Variants in KCNIP4 observed in about 807,000 individuals in gnomAD.
KCNIP4 encodes the protein Kv channel-interacting protein 4.
A neutral mutation model predicts 34.0 loss-of-function variants in KCNIP4; 12 were observed. The observed-to-expected ratio is 0.35, with a 90% CI of 0.23 to 0.57. The LOEUF (loss-of-function observed/expected upper bound fraction) is 0.57. Among genes scored for constraint, KCNIP4 ranks in the 20% least tolerant of loss-of-function variants. KCNIP4 has a pLI of 0.83. For synonymous variants in KCNIP4, 124 were observed against 102.2 expected (o/e 1.21, Z -1.29); for missense variants, 238 against 311.7 (o/e 0.76, Z 1.78).
Position 21,288,815 on chromosome 4 carries a change from G to T in KCNIP4, c.62-406106C>A, listed in dbSNP as rs182579613. ...CACCTAATGTTATACATATGTATGA[G>T]AACATGTGGTATTTGCTTTTCTGTT... On this transcript the variant is annotated intron_variant, in intron 1 of 8. Transcript: ENST00000382152. Among the ~76,000 whole-genome samples, 503 of 152,270 alleles carry T rather than the reference G, an allele frequency of 3.3e-3. 5 individuals are homozygous for T. Among genetic ancestry groups the T allele is most frequent in the African/African-American group, 0.011 (471 of 41,554 alleles).
chr4:21,468,822 A>T (rs1320577138), intron 1 of KCNIP4, among the ~76,000 whole-genome samples: 1 of 152,112 alleles, frequency 6.6e-6, no homozygotes. Context: ...TTGCTAGCGC[A>T]CTTTTTTAAT....
chr4:21,295,228 T>C (rs950292262), intron 1 of KCNIP4, among the ~76,000 whole-genome samples: 8 of 152,082 alleles, frequency 5.3e-5, no homozygotes, highest in Admixed American at 2.6e-4. Context: ...ACACGAAAGA[T>C]TGGGCCACAG....
chr4:20,843,694 C>T (rs539318523), intron 3 of KCNIP4, among the ~76,000 whole-genome samples: 2 of 152,276 alleles, frequency 1.3e-5, no homozygotes, highest in South Asian at 4.1e-4. Flanking sequence ...CGCGCCACTG[C>T]ATTCCAGCCT....
At chr4:21,450,971 T>C (rs889412655) in intron 1 of KCNIP4, among the ~76,000 whole-genome samples, 1 of 152,152 alleles carries the variant, frequency 6.6e-6, no homozygotes, top group Non-Finnish European at 1.5e-5. Flanking sequence ...CATTAAACTT[T>C]AGATATTCTG....
At chr4:21,688,304 C>G (rs1750966823) in intron 1 of KCNIP4, among the ~76,000 whole-genome samples, 1 of 152,104 alleles carries the variant, frequency 6.6e-6, no homozygotes, top group Non-Finnish European at 1.5e-5. Flanking sequence ...CTTTGGATTT[C>G]AGATTTTCAA....
intron 1 of KCNIP4, among the ~76,000 whole-genome samples, chr4:21,670,258 C>G (rs1463959651): frequency 6.6e-6 from 1 of 152,004 alleles, no homozygotes; most frequent in Non-Finnish European, 1.5e-5. Flanking sequence ...ATGATGAGTT[C>G]ATGGCCTTTG....
At chr4:21,730,096 G>A (rs916185493) in intron 1 of KCNIP4, 2 of 152,038 alleles carry the variant, frequency 1.3e-5, no homozygotes, top group Admixed American at 1.3e-4. Context: ...CAGGTGGGAG[G>A]TAAATCTGGT....
intron 1 of KCNIP4, among the ~76,000 whole-genome samples, chr4:21,643,261 T>G (rs1746747249): frequency 6.6e-6 from 1 of 152,204 alleles, no homozygotes; most frequent in African/African-American, 2.4e-5. Flanking sequence ...TAATGTTAAC[T>G]TTACATCATA....
intron 1 of KCNIP4, among the ~76,000 whole-genome samples, chr4:21,911,003 C>T (rs1728275976): frequency 6.6e-6 from 1 of 152,014 alleles, no homozygotes; most frequent in Admixed American, 6.6e-5. Flanking sequence ...GGAAAGCAAC[C>T]TTATTTTTTA....
chr4:21,557,204 A>G (rs1739135653), intron 1 of KCNIP4, among the ~76,000 whole-genome samples: 1 of 152,092 alleles, frequency 6.6e-6, no homozygotes, highest in Non-Finnish European at 1.5e-5. Flanking sequence ...TTAGTGCTCT[A>G]CGGAGATGAA....
chr4:20,730,663 C>T (rs972463855), intron 8 of KCNIP4, among the ~76,000 whole-genome samples: 5 of 152,086 alleles, frequency 3.3e-5, no homozygotes, highest in Non-Finnish European at 5.9e-5. Context: ...AGCTGCATGG[C>T]CTGAAGGAGC....
chr4:21,659,405 G>A (rs539931885), intron 1 of KCNIP4, among the ~76,000 whole-genome samples: 145 of 152,154 alleles, frequency 9.5e-4, no homozygotes, highest in African/African-American at 3.3e-3. Flanking sequence ...GTGCAGTTCT[G>A]ATTATGCATT....
intron 1 of KCNIP4, among the ~76,000 whole-genome samples, chr4:21,425,198 T>C (rs1725828996): frequency 6.6e-6 from 1 of 152,178 alleles, no homozygotes; most frequent in South Asian, 2.1e-4. Context: ...CTTCTAAAAT[T>C]ATTAATAAAA....
intron 1 of KCNIP4, among the ~76,000 whole-genome samples, chr4:21,277,008 G>T (rs909761287): frequency 6.6e-6 from 1 of 152,172 alleles, no homozygotes; most frequent in African/African-American, 2.4e-5. Flanking sequence ...TAAGCACGGT[G>T]TGAAGTCAAG....
At chr4:21,070,529 C>T (rs756351275) in intron 1 of KCNIP4, among the ~76,000 whole-genome samples, 1 of 151,842 alleles carries the variant, frequency 6.6e-6, no homozygotes, top group East Asian at 1.9e-4. Flanking sequence ...TTTGTATTTC[C>T]CTAATGTCTG....
At chr4:20,914,437 G>A (rs142672256) in intron 1 of KCNIP4, among the ~76,000 whole-genome samples, 2 of 152,212 alleles carry the variant, frequency 1.3e-5, no homozygotes, top group South Asian at 2.1e-4. Context: ...ATGTGAAAAT[G>A]CATCAAGAAA....
At chr4:21,504,545 G>T (rs1733672715) in intron 1 of KCNIP4, among the ~76,000 whole-genome samples, 1 of 150,468 alleles carries the variant, frequency 6.6e-6, no homozygotes, top group African/African-American at 2.5e-5. Context: ...GCAAAGCAAA[G>T]CAAGAAAAGA....
At chr4:21,798,214 CAT>C (rs1453820100) in intron 1 of KCNIP4, among the ~76,000 whole-genome samples, 1 of 151,276 alleles carries the variant, frequency 6.6e-6, no homozygotes, top group Non-Finnish European at 1.5e-5. Flanking sequence ...GACTTATATG[CAT>C]ATATGTATTT....
intron 1 of KCNIP4, among the ~76,000 whole-genome samples, chr4:21,429,160 G>A (rs2109658559): frequency 6.6e-6 from 1 of 152,086 alleles, no homozygotes; most frequent in Non-Finnish European, 1.5e-5. Flanking sequence ...CTCTTCCCTG[G>A]CAACCAATGA....
Sources: gnomAD v4.1 joint callset for allele counts (sites outside exome capture counted in the v4.1 genomes callset) on GRCh38, gnomAD v4.1.1 for gene constraint, MANE v1.5 for transcripts, NCBI Gene and HGNC (gene_info 2026-07-23, HGNC 2026-07-21) for gene names.